CHD9: variants seen among roughly 807,000 people sequenced by gnomAD.
The protein encoded by CHD9 is chromodomain helicase DNA binding protein 9.
Under a neutral mutation model 316.1 loss-of-function variants are expected in CHD9, and 77 were observed. That is an observed-to-expected ratio of 0.24 (90% CI 0.20 to 0.29). The LOEUF (loss-of-function observed/expected upper bound fraction) is 0.29. Among genes scored for constraint, CHD9 ranks in the 10% least tolerant of loss-of-function variants. CHD9 has a pLI of 1.00. For synonymous variants in CHD9, 1,129 were observed against 1,158.3 expected, an observed-to-expected ratio of 0.97 and a Z score of 0.51; for missense variants, 2,763 against 3,438.1, an observed-to-expected ratio of 0.80 and a Z score of 4.91.
At chr16:53,321,755 A>G (rs1373876442) in intron 38 of CHD9, 125 bp downstream of exon 38, 15 of 586,972 alleles carry the variant, frequency 2.6e-5, no homozygotes, top group Admixed American at 1.3e-4. Flanking sequence ...TCAGTTTGCA[A>G]TTTTTATTTT....
chr16:53,081,194 G>A lies in CHD9; in HGVS notation c.-165+26117G>A, dbSNP rs187837199. ...TCAGCTAGTACAGGGCATGGAGGCA[G>A]GATGGAAAATCTCCCAGGGACTGTC... is the stretch of plus-strand genomic sequence containing the variant. On this transcript the variant is annotated intron_variant, in intron 1 of 38. Transcript: ENST00000447540. 3.3e-5 allele frequency among the ~76,000 whole-genome samples: 5 copies of A among 152,332 alleles called. No individual in the cohort carries two copies. In the East Asian group the frequency reaches 7.7e-4, roughly 23 times the overall value.
intron 4 of CHD9, chr16:53,223,310 T>A (rs1477366921): frequency 6.6e-6 from 1 of 151,620 alleles, no homozygotes; most frequent in Non-Finnish European, 1.5e-5. Context: ...GTTAAAATTA[T>A]ATATAGTGAA....
chr16:53,178,869 C>T (rs75601185), intron 2 of CHD9, among the ~76,000 whole-genome samples: 4,926 of 152,130 alleles, frequency 0.032, 100 homozygotes, highest in Middle Eastern at 0.071. Flanking sequence ...GAAATTGGGC[C>T]AGGCATACTG....
chr16:53,141,809 C>T (rs1322793395), intron 1 of CHD9, among the ~76,000 whole-genome samples: 1 of 151,972 alleles, frequency 6.6e-6, no homozygotes, highest in Non-Finnish European at 1.5e-5. Context: ...TGTGTAAAGG[C>T]TTCCCAAAGG....
intron 11 of CHD9, among the ~76,000 whole-genome samples, chr16:53,237,456 A>G (rs1325365727): frequency 2.6e-5 from 4 of 152,112 alleles, no homozygotes; most frequent in Non-Finnish European, 5.9e-5. Context: ...AGTAATTTCC[A>G]TTGCATAATA....
At chr16:53,167,132 A>C (rs888118789) in intron 2 of CHD9, among the ~76,000 whole-genome samples, 1 of 152,142 alleles carries the variant, frequency 6.6e-6, no homozygotes, top group Non-Finnish European at 1.5e-5. Flanking sequence ...ATAAAATACA[A>C]TTGTACCTGG....
chr16:53,165,663 T>A (rs1176917938), intron 2 of CHD9, among the ~76,000 whole-genome samples: 1 of 152,094 alleles, frequency 6.6e-6, no homozygotes, highest in Non-Finnish European at 1.5e-5. Flanking sequence ...AGAGTTAATT[T>A]TATATATATT....
intron 2 of CHD9, among the ~76,000 whole-genome samples, chr16:53,204,766 A>G (rs1454277481): frequency 1.3e-5 from 2 of 152,020 alleles, no homozygotes; most frequent in African/African-American, 2.4e-5. Flanking sequence ...CTCTTGTACT[A>G]TAGGTTTTCT....
rs139322680 is a variant in CHD9 at position 53,181,940 on chromosome 16, C to T, written c.1452+24399C>T. On this transcript the variant is annotated intron_variant, in intron 2 of 38. Transcript: ENST00000447540. ...ATTAAAAGTACAAAACTTAGCCAGG[C>T]ATGGTGGTGCATGCCTGTAATCCCA... Among the ~76,000 whole-genome samples, 349 of 152,182 alleles carry T rather than the reference C, an allele frequency of 2.3e-3. 2 individuals are homozygous for T. The highest frequency in any genetic ancestry group is 7.8e-3 in the African/African-American group (323 of 41,510).
intron 36 of CHD9, among the ~76,000 whole-genome samples, chr16:53,315,260 AAATCACTTCC>A (rs1388865887): frequency 2.6e-5 from 4 of 152,184 alleles, no homozygotes; most frequent in Non-Finnish European, 5.9e-5. Flanking sequence ...TTAATAATAA[AAATCACTTCC>A]AATATAGAGT....
intron 32 of CHD9, 46 bp downstream of exon 32, chr16:53,306,443 T>G: frequency 6.9e-7 from 1 of 1,439,348 alleles, no homozygotes; most frequent in Non-Finnish European, 9.3e-7. Context: ...TTTAGTATTT[T>G]TCTATATTGC....
At chr16:53,237,975 T>C (rs2048771973) in intron 11 of CHD9, among the ~76,000 whole-genome samples, 1 of 152,206 alleles carries the variant, frequency 6.6e-6, no homozygotes, top group Non-Finnish European at 1.5e-5. Context: ...TACACACCCC[T>C]GAAAGGCAGA....
intron 1 of CHD9, among the ~76,000 whole-genome samples, chr16:53,135,034 A>C (rs1240359843): frequency 1.3e-5 from 2 of 152,362 alleles, no homozygotes; most frequent in African/African-American, 4.8e-5. Flanking sequence ...GTATTCTCAG[A>C]GAAGGCTTCC....
chr16:53,269,764 C>G (rs1485421506), intron 22 of CHD9, among the ~76,000 whole-genome samples: 1 of 152,084 alleles, frequency 6.6e-6, no homozygotes, highest in Non-Finnish European at 1.5e-5. Context: ...AGAGAGGTAT[C>G]TATTCACAGC....
intron 29 of CHD9, among the ~76,000 whole-genome samples, chr16:53,295,197 G>A (rs897345198): frequency 6.6e-6 from 1 of 152,136 alleles, no homozygotes; most frequent in African/African-American, 2.4e-5. Flanking sequence ...CACAATCTTG[G>A]CTCGCTGCAG....
chr16:53,267,839 TAA>T, intron 21 of CHD9, 86 bp from the exon 22 acceptor site: 1 of 1,190,210 alleles, frequency 8.4e-7, no homozygotes, highest in Non-Finnish European at 1.2e-6. Flanking sequence ...GACAATTTTT[TAA>T]AGTTTTTCAT....
chr16:53,278,690 TG>T (rs1353237735), intron 24 of CHD9, among the ~76,000 whole-genome samples: 2 of 152,120 alleles, frequency 1.3e-5, no homozygotes, highest in African/African-American at 4.8e-5. Context: ...CATCAACAAG[TG>T]GGAGAAGGAT....
intron 3 of CHD9, among the ~76,000 whole-genome samples, chr16:53,221,192 C>T (rs2047202622): frequency 6.6e-6 from 1 of 152,194 alleles, no homozygotes; most frequent in African/African-American, 2.4e-5. Flanking sequence ...AGCCAATATA[C>T]ATTATCCCAC....
At chr16:53,086,935 T>C (rs887290429) in intron 1 of CHD9, among the ~76,000 whole-genome samples, 8 of 152,100 alleles carry the variant, frequency 5.3e-5, no homozygotes, top group Non-Finnish European at 1.2e-4. Context: ...ACTTACCCAA[T>C]CTTCAGGTGT....
Sources: gnomAD v4.1 joint callset for allele counts (sites outside exome capture counted in the v4.1 genomes callset) on GRCh38, gnomAD v4.1.1 for gene constraint, MANE v1.5 for transcripts, NCBI Gene and HGNC (gene_info 2026-07-23, HGNC 2026-07-21) for gene names.